DOCK1: variants seen among roughly 807,000 people sequenced by gnomAD.
DOCK1 encodes the protein dedicator of cytokinesis 1.
In DOCK1, 138 loss-of-function variants were observed where a neutral mutation model predicts 262.7. The observed-to-expected ratio is 0.53, with a 90% CI of 0.46 to 0.61. The LOEUF (loss-of-function observed/expected upper bound fraction) is 0.61, where lower values mean the gene tolerates loss of function less well. Among genes scored for constraint, DOCK1 ranks in the 20% least tolerant of loss-of-function variants. DOCK1 has a pLI of 0.00. For missense variants in DOCK1, 1,908 were observed against 2,370.7 expected (o/e 0.80, Z 4.05); for synonymous variants, 866 against 867.4 (o/e 1.00, Z 0.03).
intron 47 of DOCK1, among the ~76,000 whole-genome samples, chr10:127,427,196 G>A (rs561414173): frequency 3.0e-4 from 45 of 152,212 alleles, no homozygotes; most frequent in Non-Finnish European, 5.7e-4. Context: ...CTGAGGGGGT[G>A]TGCACAGGGC....
At position 127,115,945 on chromosome 10, in the gene DOCK1, A is replaced by C. The variant is rs78885322; in HGVS notation, c.2623+5591A>C. Among the ~76,000 whole-genome samples the C allele has an allele frequency of 4.6e-5, 7 of 152,268 alleles. No homozygotes were observed. The East Asian group carries it at 1.2e-3, about 25-fold the overall frequency. Reference sequence around the variant, plus strand: ...AAAGCAGTGGACAGGTTTTCTTTGGAGCTTACTGTGTACTTATCATTTTGT... The same window carrying C: ...AAAGCAGTGGACAGGTTTTCTTTGGCGCTTACTGTGTACTTATCATTTTGT... On this transcript the variant is annotated intron_variant, in intron 25 of 51. Transcript: ENST00000623213.
At chr10:126,959,725 C>T (rs1479863379) in intron 1 of DOCK1, among the ~76,000 whole-genome samples, 1 of 152,188 alleles carries the variant, frequency 6.6e-6, no homozygotes, top group Non-Finnish European at 1.5e-5. Context: ...TGCTTTGTTT[C>T]TGGACATAGG....
rs143966692 is a variant in DOCK1 at position 126,999,683 on chromosome 10, A to AT, written c.849+255dup. Among the ~76,000 whole-genome samples, 1,130 of 151,998 alleles carry AT rather than the reference A, an allele frequency of 7.4e-3. 14 individuals carry two copies. The highest frequency in any genetic ancestry group is 0.026 in the African/African-American group (1,088 of 41,464). Reference sequence around the variant, plus strand: ...TGCCTCTTAAATGTGTATCGTTTTTATTTTTTTCCTTGAGACGGAGTCTTG... The same window carrying AT: ...TGCCTCTTAAATGTGTATCGTTTTTATTTTTTTTCCTTGAGACGGAGTCTTG... On this transcript the variant is annotated intron_variant, in intron 9 of 51. Transcript: ENST00000623213.
At chr10:127,445,809 C>T (rs1412766250) in intron 50 of DOCK1, among the ~76,000 whole-genome samples, 1 of 152,186 alleles carries the variant, frequency 6.6e-6, no homozygotes, top group African/African-American at 2.4e-5. Flanking sequence ...AATGTCCGTG[C>T]AATGGAATAT....
intron 2 of DOCK1, among the ~76,000 whole-genome samples, chr10:126,971,078 T>C (rs1393724592): frequency 6.6e-6 from 1 of 150,722 alleles, no homozygotes; most frequent in Non-Finnish European, 1.5e-5. Flanking sequence ...TGAGACAGAG[T>C]CTTGCTCTGT....
intron 27 of DOCK1, among the ~76,000 whole-genome samples, chr10:127,218,996 G>T (rs914539647): frequency 6.6e-6 from 1 of 152,132 alleles, no homozygotes; most frequent in Admixed American, 6.5e-5. Flanking sequence ...TTTTTTAAGG[G>T]CCTTAATCCC....
intron 29 of DOCK1, among the ~76,000 whole-genome samples, chr10:127,264,717 G>GAGGCAGGA (rs2060292653): frequency 6.6e-6 from 1 of 152,008 alleles, no homozygotes. Flanking sequence ...CTGGAGTGCA[G>GAGGCAGGA]TGGCAGGATC....
At chr10:127,266,955 A>G (rs2060383828) in intron 29 of DOCK1, among the ~76,000 whole-genome samples, 2 of 152,142 alleles carry the variant, frequency 1.3e-5, no homozygotes, top group Admixed American at 6.6e-5. Flanking sequence ...ATTTCTGGCA[A>G]GTCACCCAGA....
At chr10:127,121,976 A>G (rs1012786662) in intron 25 of DOCK1, among the ~76,000 whole-genome samples, 2 of 152,234 alleles carry the variant, frequency 1.3e-5, no homozygotes, top group Admixed American at 6.5e-5. Flanking sequence ...CATTTAAGAA[A>G]AATAGGAAGG....
chr10:127,432,841 A>T (rs992423138), intron 47 of DOCK1, among the ~76,000 whole-genome samples: 3 of 152,104 alleles, frequency 2.0e-5, no homozygotes, highest in African/African-American at 4.8e-5. Context: ...TGTCTAGAGG[A>T]GGTCAGTCAT....
chr10:126,925,676 C>G (rs1046616514), intron 1 of DOCK1, among the ~76,000 whole-genome samples: 1 of 151,892 alleles, frequency 6.6e-6, no homozygotes, highest in Non-Finnish European at 1.5e-5. Context: ...GCCACCCTGG[C>G]CGGCCTTATG....
chr10:127,402,442 A>G (rs1378381926), intron 38 of DOCK1, among the ~76,000 whole-genome samples: 2 of 152,218 alleles, frequency 1.3e-5, no homozygotes, highest in Non-Finnish European at 2.9e-5. Context: ...CAACATTTTA[A>G]TCACTTATTT....
chr10:127,196,461 C>G (rs909259141), intron 27 of DOCK1, among the ~76,000 whole-genome samples: 2 of 148,370 alleles, frequency 1.3e-5, no homozygotes, highest in African/African-American at 4.9e-5. Context: ...GAGGAGGGAG[C>G]AGGAGGGAAG....
chr10:127,294,677 C>A (rs1164626448), intron 29 of DOCK1, among the ~76,000 whole-genome samples: 2 of 142,084 alleles, frequency 1.4e-5, no homozygotes, highest in Non-Finnish European at 3.0e-5. Flanking sequence ...AAGATGGAGT[C>A]TGGCTCTATC....
intron 10 of DOCK1, among the ~76,000 whole-genome samples, chr10:127,003,640 T>C (rs2040767988): frequency 6.6e-6 from 1 of 152,164 alleles, no homozygotes; most frequent in African/African-American, 2.4e-5. Flanking sequence ...TTCCTAGCCC[T>C]GCTCAGCTGG....
intron 1 of DOCK1, among the ~76,000 whole-genome samples, chr10:126,938,774 AGGGGATGAACACCAGC>A (rs2134231900): frequency 2.0e-5 from 1 of 50,226 alleles, no homozygotes; most frequent in South Asian, 5.5e-4. Context: ...TGAAGACAGG[AGGGGATGAACACCAGC>A]GGGGATGAGC....
intron 19 of DOCK1, among the ~76,000 whole-genome samples, chr10:127,042,015 T>C (rs2044049182): frequency 6.6e-6 from 1 of 152,244 alleles, no homozygotes; most frequent in African/African-American, 2.4e-5. Flanking sequence ...CCTAATTACA[T>C]GTATGATGCT....
intron 38 of DOCK1, 53 bp from the exon 39 acceptor site, chr10:127,403,001 CT>C (rs775562100): frequency 3.0e-4 from 442 of 1,497,564 alleles, no homozygotes; most frequent in Non-Finnish European, 3.8e-4. Flanking sequence ...CTGTTTGACT[CT>C]TTGCACAATT....
chr10:127,221,022 G>T (rs1218404745), intron 27 of DOCK1, among the ~76,000 whole-genome samples: 1 of 152,172 alleles, frequency 6.6e-6, no homozygotes, highest in African/African-American at 2.4e-5. Flanking sequence ...AAGAGTCACG[G>T]TATTTGTTTG....
Sources: allele counts gnomAD v4.1 joint callset (sites outside exome capture counted in the v4.1 genomes callset), GRCh38; gene constraint gnomAD v4.1.1; transcripts MANE v1.5; gene names NCBI Gene and HGNC (gene_info 2026-07-23, HGNC 2026-07-21).